Variants in DHRS12 observed in about 807,000 individuals in gnomAD.
DHRS12 encodes the protein dehydrogenase/reductase SDR family member 12.
Under a neutral mutation model 32.1 loss-of-function variants are expected in DHRS12, and 29 were observed. The observed-to-expected ratio is 0.90, with a 90% CI of 0.67 to 1.23. The LOEUF is 1.23. DHRS12 is among the 50% of genes most tolerant of loss of function. The probability of loss-of-function intolerance (pLI) is 0.00; values close to 1 mark genes in which losing one functional copy is unlikely to be tolerated. For missense variants in DHRS12, 330 were observed against 337.2 expected (o/e 0.98, Z 0.17); for synonymous variants, 150 against 135.9 (o/e 1.10, Z -0.72).
chr13:51,755,227 A>G, the DHRS12 span: 1 of 821,676 alleles, frequency 1.2e-6, no homozygotes, highest in East Asian at 2.6e-5. Context: ...TTTTTGAATG[A>G]TTGACTGAGA....
downstream of DHRS12, chr13:51,767,918 T>C (rs1261931982): frequency 2.6e-6 from 3 of 1,148,194 alleles, no homozygotes; most frequent in African/African-American, 1.6e-5. Context: ...ATGGTTCATC[T>C]CAAACTTCGA....
chr13:51,800,053 T>C (rs1333030215), intron 1 of DHRS12, among the ~76,000 whole-genome samples: 1 of 151,922 alleles, frequency 6.6e-6, no homozygotes, highest in East Asian at 2.0e-4. Context: ...GCTTATTGCA[T>C]TGCAGGACAG....
downstream of DHRS12, chr13:51,764,532 A>G (rs778789472): frequency 6.5e-6 from 1 of 152,842 alleles, no homozygotes; most frequent in Non-Finnish European, 1.5e-5. Flanking sequence ...AGAACAGCCA[A>G]GTGGCTCAGC....
In DHRS12 at chr13:51,799,640, G is replaced by C. The variant is rs1955663028; in HGVS notation, c.20C>G (p.Thr7Ser). 5.0e-6 allele frequency: 8 copies of C among 1,614,004 alleles called. No individual in the cohort carries two copies. The highest frequency in any genetic ancestry group is 5.9e-6 in the Non-Finnish European group (7 of 1,180,044). The change falls in exon 2 of 9, where the codon ACT becomes AGT. Residue 7 changes from threonine (T) to serine (S), a missense_variant. Physicochemically the swap from Thr to Ser is moderately conservative, Grantham distance 58. Transcript: ENST00000444610. MNLHVK[T>S]LSLMTWRSRF... ...GGACCTCCAAGTCATGAGGGACAAA[G>C]TCTTTACATGCAGATTCATAGCCAC...
At chr13:51,798,082 C>A (rs977518333) in intron 2 of DHRS12, among the ~76,000 whole-genome samples, 2 of 152,238 alleles carry the variant, frequency 1.3e-5, no homozygotes, top group Non-Finnish European at 1.5e-5. Flanking sequence ...GGTGCTGGAA[C>A]CTTATTGCCT....
At chr13:51,771,570 C>T (rs1412244970) in intron 7 of DHRS12, 13 of 1,574,782 alleles carry the variant, frequency 8.3e-6, no homozygotes, top group South Asian at 3.5e-5. Context: ...GCGCCCCAGG[C>T]GCACCTGCTC....
intron 1 of DHRS12, chr13:51,803,826 C>G (rs758101061): frequency 7.7e-5 from 28 of 364,390 alleles, no homozygotes; most frequent in Non-Finnish European, 1.2e-4. Context: ...AGCCCCGCCC[C>G]TCGGGCGCCA....
rs796731834 is a variant in DHRS12, at chr13:51,802,211, ACACACAC to A, written c.-9+1836_-9+1842del. ...CACACACACACACACACACACACAC[ACACACAC>A]GACTTTCCCAAGGTCACCAGAAGGT... On this transcript the variant is annotated intron_variant, in intron 1 of 8. Transcript: ENST00000444610. Among the ~76,000 whole-genome samples, 635 of 99,018 alleles carry A rather than the reference ACACACAC, an allele frequency of 6.4e-3. 10 individuals carry two copies. In the East Asian group the frequency reaches 0.13, roughly 20 times the overall value. 65.0% of individuals were successfully genotyped at this position (99,018 alleles called of 152,430 possible).
chr13:51,768,051 C>G lies in DHRS12; in HGVS notation c.*136G>C. The G allele has an allele frequency of 6.9e-7, 1 of 1,441,750 alleles. No individual in the cohort carries two copies. Among genetic ancestry groups the G allele is most frequent in the Non-Finnish European group, 9.1e-7 (1 of 1,101,706 alleles). 89.3% of individuals were successfully genotyped at this position (1,441,750 alleles called of 1,614,324 possible). A position where few individuals can be genotyped will look rare whatever the true frequency, so the allele number is the denominator to read the frequency against. On this transcript the variant is annotated 3_prime_UTR_variant, in exon 9 of 9. Coordinates refer to ENST00000444610, the MANE Select transcript of DHRS12 (RefSeq NM_001377533.1). ...TTTATTTTGAAATAAAAGTTCCCAT[C>G]CCTTGTAGGCCTCGCTGTGAGGCAC...
chr13:51,799,700 G>A (rs1955665259), intron 1 of DHRS12, 33 bp from the exon 2 acceptor site: 1 of 1,609,476 alleles, frequency 6.2e-7, no homozygotes, highest in Non-Finnish European at 8.5e-7. Flanking sequence ...AAGACCAGCT[G>A]TAAGGAGTGG....
rs1040975388 is a variant in DHRS12 at position 51,768,274 on chromosome 13, G to A, written c.720C>T (p.His240=). The A allele has an allele frequency of 1.0e-5, 16 of 1,535,978 alleles. No homozygotes were observed. Among genetic ancestry groups the A allele is most frequent in the South Asian group, 1.2e-5 (1 of 84,066 alleles). The change falls in exon 9 of 9, where the codon CAC becomes CAT. Residue 240 remains histidine, a synonymous_variant. Coordinates refer to ENST00000444610, the MANE Select transcript of DHRS12 (RefSeq NM_001377533.1). ...AGGAGGACGCTGTAGCGAGAGGCAAGTGTGTAGAAACTGGCTTCCGATCTA... is the reference window on the plus strand; with the variant it reads ...AGGAGGACGCTGTAGCGAGAGGCAAATGTGTAGAAACTGGCTTCCGATCTA... ...FFQDRKPVST[H]LPLATASSSP...
At chr13:51,758,995 A>G in the DHRS12 span, among the ~76,000 whole-genome samples, 1 of 152,240 alleles carries the variant, frequency 6.6e-6, no homozygotes, top group African/African-American at 2.4e-5. Flanking sequence ...CAGCCTGGCC[A>G]CCATAGTGTG....
chr13:51,761,774 C>A, the DHRS12 span: 1 of 152,224 alleles, frequency 6.6e-6, no homozygotes, highest in Non-Finnish European at 1.5e-5. Context: ...GGAAGCAGGA[C>A]CAGTGCATGT....
At chr13:51,802,271 G>A (rs1461266784) in intron 1 of DHRS12, among the ~76,000 whole-genome samples, 1 of 150,978 alleles carries the variant, frequency 6.6e-6, no homozygotes, top group Non-Finnish European at 1.5e-5. Context: ...ACCCAGCCTC[G>A]GTGCCAAAGG....
chr13:51,768,624 C>T (rs1953862909), intron 8 of DHRS12: 1 of 1,170,810 alleles, frequency 8.5e-7, no homozygotes, highest in African/African-American at 1.6e-5. Context: ...TGGTTCTCAT[C>T]AAGAACAGAG....
At chr13:51,802,481 T>C (rs1471915238) in intron 1 of DHRS12, among the ~76,000 whole-genome samples, 1 of 152,202 alleles carries the variant, frequency 6.6e-6, no homozygotes, top group Non-Finnish European at 1.5e-5. Flanking sequence ...CTGGCAGGTA[T>C]CTGTGTCTCC....
At chr13:51,792,487 C>T (rs1236002429) in intron 2 of DHRS12, among the ~76,000 whole-genome samples, 3 of 152,152 alleles carry the variant, frequency 2.0e-5, no homozygotes, top group Non-Finnish European at 2.9e-5. Flanking sequence ...GCAACCTCCG[C>T]CTCCCAGGTT....
At chr13:51,802,276 C>G (rs538772942) in intron 1 of DHRS12, among the ~76,000 whole-genome samples, 18 of 151,942 alleles carry the variant, frequency 1.2e-4, no homozygotes, top group Non-Finnish European at 2.5e-4. Context: ...GCCTCGGTGC[C>G]AAAGGGCAGT....
chr13:51,796,422 T>C (rs1320888868), intron 2 of DHRS12, among the ~76,000 whole-genome samples: 1 of 152,108 alleles, frequency 6.6e-6, no homozygotes, highest in Non-Finnish European at 1.5e-5. Flanking sequence ...GTCCTGTGTG[T>C]GCATTCAAAT....
Sources: gnomAD v4.1 joint callset for allele counts (sites outside exome capture counted in the v4.1 genomes callset) on GRCh38, gnomAD v4.1.1 for gene constraint, MANE v1.5 for transcripts, NCBI Gene and HGNC (gene_info 2026-07-23, HGNC 2026-07-21) for gene names.